CAMK1D: variants seen among roughly 807,000 people sequenced by gnomAD.
CAMK1D encodes the protein calcium/calmodulin-dependent protein kinase type 1D.
In CAMK1D, 9 loss-of-function variants were observed where a neutral mutation model predicts 47.7. That is an observed-to-expected ratio of 0.19 (90% CI 0.11 to 0.33). The LOEUF is 0.33. CAMK1D is among the 10% of genes least tolerant of loss of function. CAMK1D has a pLI of 1.00. For synonymous variants in CAMK1D, 184 were observed against 184.9 expected (o/e 0.99, Z 0.04); for missense variants, 291 against 488.7 (o/e 0.60, Z 3.81).
At chr10:12,758,587 A>G (rs149749258) in intron 3 of CAMK1D, among the ~76,000 whole-genome samples, 11 of 152,336 alleles carry the variant, frequency 7.2e-5, no homozygotes, top group Non-Finnish European at 1.5e-4. Flanking sequence ...TTTTCACTGC[A>G]TTGCTGCCCT....
intron 1 of CAMK1D, among the ~76,000 whole-genome samples, chr10:12,363,139 C>G (rs573640613): frequency 6.6e-6 from 1 of 151,464 alleles, no homozygotes; most frequent in East Asian, 1.9e-4. Flanking sequence ...CAGGGTTTCA[C>G]CATATTGGTC....
chr10:12,549,132 AGGCATGAGCCACC>A (rs1466330468), intron 1 of CAMK1D, among the ~76,000 whole-genome samples: 1 of 152,226 alleles, frequency 6.6e-6, no homozygotes, highest in Non-Finnish European at 1.5e-5. Flanking sequence ...CTGGGATTAC[AGGCATGAGCCACC>A]GTGCCTGGCT....
At chr10:12,583,285 A>G (rs552220492) in intron 2 of CAMK1D, among the ~76,000 whole-genome samples, 1 of 152,300 alleles carries the variant, frequency 6.6e-6, no homozygotes, top group African/African-American at 2.4e-5. Context: ...GATGGTTCCA[A>G]TGATATGAGT....
intron 3 of CAMK1D, among the ~76,000 whole-genome samples, chr10:12,697,473 A>C (rs1302081375): frequency 6.6e-6 from 1 of 152,152 alleles, no homozygotes; most frequent in Non-Finnish European, 1.5e-5. Flanking sequence ...ATCTCAGCTC[A>C]CTGCAACCTC....
At chr10:12,385,800 G>A (rs950607661) in intron 1 of CAMK1D, among the ~76,000 whole-genome samples, 11 of 143,592 alleles carry the variant, frequency 7.7e-5, no homozygotes, top group Non-Finnish European at 4.5e-5. Flanking sequence ...AGGCTGGAGT[G>A]CAGTGGTGCA....
chr10:12,489,046 C>G (rs1834300260), intron 1 of CAMK1D, among the ~76,000 whole-genome samples: 1 of 152,176 alleles, frequency 6.6e-6, no homozygotes, highest in African/African-American at 2.4e-5. Context: ...TGCCATTCTC[C>G]TGCCTCAGTC....
chr10:12,605,553 C>T lies in CAMK1D; in HGVS notation c.224+52197C>T, dbSNP rs140204649. Among the ~76,000 whole-genome samples the T allele has an allele frequency of 7.5e-3, 1,136 of 152,246 alleles. 9 individuals carry two copies. The highest frequency in any genetic ancestry group is 0.034 in the Middle Eastern group (10 of 294). The stretch of plus-strand genomic sequence containing the variant: ...CCCACTCTGACCCTCGGTGGCTCTT[C>T]GCCACCCTCTTCTCTGTGATCCAAG... On this transcript the variant is annotated intron_variant, in intron 2 of 10. Coordinates refer to ENST00000619168, the MANE Select transcript of CAMK1D (RefSeq NM_153498.4).
At chr10:12,804,088 GA>G (rs918402533) in intron 6 of CAMK1D, among the ~76,000 whole-genome samples, 2 of 152,154 alleles carry the variant, frequency 1.3e-5, no homozygotes, top group African/African-American at 4.8e-5. Flanking sequence ...AGTCTGCCTT[GA>G]GGGGTGTCAT....
At position 12,484,459 on chromosome 10, in the gene CAMK1D, G is replaced by T. The variant is rs548750745; in HGVS notation, c.93-68766G>T. On this transcript the variant is annotated intron_variant, in intron 1 of 10. Transcript: ENST00000619168. Reference sequence around the variant, plus strand: ...TCGTTCTTCTGCCTCCTTCCCTGCAGGAAGGCAGAGATCGGAGATGGAGAG... The same window carrying T: ...TCGTTCTTCTGCCTCCTTCCCTGCATGAAGGCAGAGATCGGAGATGGAGAG... Among the ~76,000 whole-genome samples, 7 of 152,320 alleles carry T rather than the reference G, an allele frequency of 4.6e-5. No homozygotes were observed. The East Asian group carries it at 1.4e-3, about 29-fold the overall frequency.
intron 3 of CAMK1D, among the ~76,000 whole-genome samples, chr10:12,733,781 T>A (rs1488243379): frequency 6.6e-6 from 1 of 152,240 alleles, no homozygotes; most frequent in African/African-American, 2.4e-5. Flanking sequence ...GGTTCCTGAA[T>A]TGAATTTGCT....
In CAMK1D at chr10:12,364,171, T is replaced by G. The variant is rs1837764755; in HGVS notation, c.92+14261T>G. Among the ~76,000 whole-genome samples the G allele has an allele frequency of 2.7e-5, 4 of 150,546 alleles. No individual in the cohort carries two copies. In the Admixed American group the frequency reaches 2.7e-4, roughly 10 times the overall value. On this transcript the variant is annotated intron_variant, in intron 1 of 10. Coordinates refer to ENST00000619168, the MANE Select transcript of CAMK1D (RefSeq NM_153498.4). Reference sequence around the variant, plus strand: ...TGAAGGGTCAGAGAAGTTAAATGACTCAGGTGAAGAGGTTGCTAAGAGGCA... The same window carrying G: ...TGAAGGGTCAGAGAAGTTAAATGACGCAGGTGAAGAGGTTGCTAAGAGGCA...
chr10:12,409,850 G>A (rs1241990464), intron 1 of CAMK1D, among the ~76,000 whole-genome samples: 2 of 152,068 alleles, frequency 1.3e-5, no homozygotes, highest in Non-Finnish European at 2.9e-5. Flanking sequence ...CCCATTAAGC[G>A]GTAGCTCCGC....
At chr10:12,656,854 T>A (rs1588744087) in intron 2 of CAMK1D, among the ~76,000 whole-genome samples, 1 of 145,210 alleles carries the variant, frequency 6.9e-6, no homozygotes, top group African/African-American at 2.6e-5. Flanking sequence ...GTATATACAT[T>A]TTTTTTACAT....
rs5783266 is a variant in CAMK1D, at chr10:12,415,455, A to ATTTTT, written c.92+65565_92+65569dup. 9.7e-5 allele frequency among the ~76,000 whole-genome samples: 9 copies of ATTTTT among 93,138 alleles called. No individual in the cohort carries two copies. In the East Asian group the frequency reaches 1.4e-3, roughly 15 times the overall value. The allele number at this position is 93,138 out of a possible 152,430, so 61.1% of individuals were successfully genotyped here. ...AGGCACCCACCACCACGCCTGGCTAATTTTTTTTTTTTTTTTTTTTTTTTA... is the reference window on the plus strand; with the variant it reads ...AGGCACCCACCACCACGCCTGGCTAATTTTTTTTTTTTTTTTTTTTTTTTTTTTTA... On this transcript the variant is annotated intron_variant, in intron 1 of 10. Transcript: ENST00000619168.
At chr10:12,773,063 CT>C (rs1226551006) in intron 5 of CAMK1D, among the ~76,000 whole-genome samples, 4 of 152,224 alleles carry the variant, frequency 2.6e-5, no homozygotes, top group African/African-American at 9.6e-5. Context: ...CATCCTGGTT[CT>C]TTCTATGACG....
At chr10:12,560,508 G>T (rs1458546163) in intron 2 of CAMK1D, among the ~76,000 whole-genome samples, 5 of 145,200 alleles carry the variant, frequency 3.4e-5, no homozygotes, top group South Asian at 2.2e-4. Flanking sequence ...AGCCAGGATC[G>T]CACCACTGCA....
intron 3 of CAMK1D, among the ~76,000 whole-genome samples, chr10:12,672,410 C>T (rs976086894): frequency 4.6e-5 from 7 of 152,034 alleles, no homozygotes; most frequent in African/African-American, 1.5e-4. Flanking sequence ...ACTCTGTCGC[C>T]GAGGCCTGAG....
intron 1 of CAMK1D, among the ~76,000 whole-genome samples, chr10:12,534,172 ATCTATCTATCTATCTG>A (rs780359548): frequency 1.9e-4 from 26 of 136,514 alleles, no homozygotes; most frequent in South Asian, 4.3e-4. Flanking sequence ...CTATCTGTCT[ATCTATCTATCTATCTG>A]TCTATCTATC....
chr10:12,469,231 T>A (rs1378962639), intron 1 of CAMK1D, among the ~76,000 whole-genome samples: 1 of 152,052 alleles, frequency 6.6e-6, no homozygotes, highest in African/African-American at 2.4e-5. Context: ...CTTGTTTCTA[T>A]TTAGGGAGAG....
Sources: gnomAD v4.1 joint callset for allele counts (sites outside exome capture counted in the v4.1 genomes callset) on GRCh38, gnomAD v4.1.1 for gene constraint, MANE v1.5 for transcripts, NCBI Gene and HGNC (gene_info 2026-07-23, HGNC 2026-07-21) for gene names.